LPA: variants seen among roughly 807,000 people sequenced by gnomAD.
LPA encodes the protein apolipoprotein(a).
Under a neutral mutation model 197.9 loss-of-function variants are expected in LPA, and 199 were observed. That is an observed-to-expected ratio of 1.01 (90% CI 0.90 to 1.13). The LOEUF (loss-of-function observed/expected upper bound fraction) is 1.13. Ranked by LOEUF, LPA falls within the 50% of genes most tolerant of loss-of-function variation. The probability of loss-of-function intolerance (pLI) is 0.00; values close to 1 mark genes in which losing one functional copy is unlikely to be tolerated. For missense variants in LPA, 1,853 were observed against 1,785.8 expected (o/e 1.04, Z -0.68); for synonymous variants, 715 against 639.5 (o/e 1.12, Z -1.78).
Position 160,578,677 on chromosome 6 carries a change from A to G in LPA, c.4317T>C (p.Asn1439=), listed in dbSNP as rs1052854196. The G allele has an allele frequency of 8.7e-6, 14 of 1,613,808 alleles. No homozygotes were observed. The highest frequency in any genetic ancestry group is 1.2e-5 in the Non-Finnish European group (14 of 1,179,916). The change falls in exon 27 of 39, where the codon AAT becomes AAC. Residue 1439 remains asparagine, a synonymous_variant. Transcript: ENST00000316300. ...ACCAAGGGCGAATCTCAGCATCTGGATTCCTGCAGTAGTTCCTGGTCAGGC... is the reference window on the plus strand; with the variant it reads ...ACCAAGGGCGAATCTCAGCATCTGGGTTCCTGCAGTAGTTCCTGGTCAGGC... ...NAGLTRNYCR[N]PDAEIRPWCY...
intron 18 of LPA, among the ~76,000 whole-genome samples, chr6:160,601,655 T>C (rs1248587250): frequency 6.6e-6 from 1 of 152,238 alleles, no homozygotes; most frequent in Admixed American, 6.5e-5. Context: ...ATGTTCAGCA[T>C]GTAAAACCAT....
chr6:160,566,803 C>A (rs542021856), intron 28 of LPA, among the ~76,000 whole-genome samples: 7 of 152,218 alleles, frequency 4.6e-5, no homozygotes, highest in African/African-American at 1.7e-4. Context: ...GAAGATCTAC[C>A]AAGCAAATGG....
chr6:160,555,625 T>C (rs1316120462), intron 30 of LPA, among the ~76,000 whole-genome samples: 2 of 151,562 alleles, frequency 1.3e-5, no homozygotes, highest in African/African-American at 2.4e-5. Flanking sequence ...ATGTGAATTA[T>C]TTACTTGTGA....
chr6:160,577,428 A>T (rs1161974512), intron 27 of LPA, 133 bp from the exon 28 acceptor site: 10 of 747,492 alleles, frequency 1.3e-5, no homozygotes, highest in Admixed American at 2.3e-5. Flanking sequence ...TAGCAAAAGG[A>T]TGTGAAAAGA....
chr6:160,587,437 G>T (rs1778931874), intron 24 of LPA, among the ~76,000 whole-genome samples: 1 of 152,108 alleles, frequency 6.6e-6, no homozygotes, highest in East Asian at 1.9e-4. Flanking sequence ...TAGATCAACA[G>T]CTGTCAAAGC....
At position 160,555,450 on chromosome 6, in the gene LPA, T is replaced by TATAC. The variant is rs1490648539; in HGVS notation, c.4973+574_4973+575insGTAT. Among the ~76,000 whole-genome samples, 2 of 142,910 alleles carry TATAC rather than the reference T, an allele frequency of 1.4e-5. 1 individual carries two copies. Among genetic ancestry groups the TATAC allele is most frequent in the Non-Finnish European group, 3.0e-5 (2 of 66,394 alleles). 93.8% of individuals were successfully genotyped at this position (142,910 alleles called of 152,430 possible). A position where few individuals can be genotyped will look rare whatever the true frequency, so the allele number is the denominator to read the frequency against. ...TTTCCCTAGAACATATATATATATA[T>TATAC]ATATATGTGTGTGTATATATATATG... On this transcript the variant is annotated intron_variant, in intron 30 of 38. Coordinates refer to ENST00000316300, the MANE Select transcript of LPA (RefSeq NM_005577.4).
chr6:160,648,513 A>G (rs1198399844), intron 2 of LPA, among the ~76,000 whole-genome samples: 2 of 151,372 alleles, frequency 1.3e-5, no homozygotes, highest in Non-Finnish European at 2.9e-5. Context: ...GTTTTCCTTT[A>G]TGTCTGTGTG....
chr6:160,650,393 A>C lies in LPA; in HGVS notation c.154T>G (p.Trp52Gly). The stretch of plus-strand genomic sequence containing the variant: ...TGTTGATGTGGTGTCATAGATGACC[A>C]AGCTTGGCAGGTCCTTCCTGTGACA... ...TTVTGRTCQA[W>G]SSMTPHQHNR... The change falls in exon 2 of 39, where the codon TGG becomes GGG. Residue 52 changes from tryptophan (W) to glycine (G), a missense_variant. By Grantham distance (184) the Trp-to-Gly change is radical. Transcript: ENST00000316300. The C allele has an allele frequency of 3.7e-6, 6 of 1,613,966 alleles. No individual in the cohort carries two copies. The highest frequency in any genetic ancestry group is 5.1e-6 in the Non-Finnish European group (6 of 1,179,836).
At chr6:160,584,219 TTCTTCTTCTTCTTCTTCTTCC>T (rs760317769) in intron 26 of LPA, among the ~76,000 whole-genome samples, 2,447 of 116,294 alleles carry the variant, frequency 0.021, 57 homozygotes, top group East Asian at 0.12. Context: ...CTTCTTCTTC[TTCTTCTTCTTCTTCTTCTTCC>T]TCCTCCTCCT....
chr6:160,585,748 T>C (rs1303541437), intron 25 of LPA, among the ~76,000 whole-genome samples: 1 of 151,948 alleles, frequency 6.6e-6, no homozygotes, highest in Non-Finnish European at 1.5e-5. Flanking sequence ...AGGCCAAAAT[T>C]TTATAGCCTA....
In LPA at chr6:160,586,496, G is replaced by A; in HGVS notation, c.4082C>T (p.Thr1361Ile). 1 of 1,613,836 alleles carries A rather than the reference G, an allele frequency of 6.2e-7. No homozygotes were observed. Among genetic ancestry groups the A allele is most frequent in the Non-Finnish European group, 8.5e-7 (1 of 1,179,772 alleles). The part of the protein sequence containing the change: ...CPVMESTLLT[T>I]PTVVPVPSTE... ...GCTTGGAACTGGGACCACCGTGGGA[G>A]TTGTGAGGAGAGTTGATTCCATCAC... The change falls in exon 25 of 39, where the codon ACT (threonine) becomes ATT (isoleucine). Residue 1361 changes from threonine (T) to isoleucine (I), a missense_variant. This residue lies in a region of LPA where 1,737 missense variants were observed against 1,504.4 expected (regional missense o/e 1.15). Transcript: ENST00000316300.
At chr6:160,535,467 G>C (rs912188225) in intron 37 of LPA, among the ~76,000 whole-genome samples, 1 of 150,374 alleles carries the variant, frequency 6.7e-6, no homozygotes, top group African/African-American at 2.4e-5. Context: ...TGATGATGGT[G>C]GTGGTGATGG....
At chr6:160,533,984 AT>A (rs1469417795) in intron 37 of LPA, among the ~76,000 whole-genome samples, 1 of 152,196 alleles carries the variant, frequency 6.6e-6, no homozygotes, top group Non-Finnish European at 1.5e-5. Flanking sequence ...CCCAGCTCTC[AT>A]TAGAATTTTG....
intron 1 of LPA, among the ~76,000 whole-genome samples, chr6:160,658,087 C>T (rs934685791): frequency 2.4e-4 from 37 of 152,108 alleles, no homozygotes; most frequent in African/African-American, 8.7e-4. Flanking sequence ...GGGTTTACAT[C>T]CTCAGACAAA....
chr6:160,592,440 T>C (rs1443915062), intron 22 of LPA, among the ~76,000 whole-genome samples: 1 of 152,218 alleles, frequency 6.6e-6, no homozygotes, highest in Non-Finnish European at 1.5e-5. Context: ...TCTCTCATGG[T>C]CAGCTTTTGC....
rs1329869333 is a variant in LPA, at chr6:160,571,926, A to G, written c.4631+5210T>C. Among the ~76,000 whole-genome samples the G allele has an allele frequency of 2.0e-5, 3 of 152,246 alleles. No homozygotes were observed. In the East Asian group the frequency reaches 5.8e-4, roughly 30 times the overall value. On this transcript the variant is annotated intron_variant, in intron 28 of 38. Transcript: ENST00000316300. ...ATTCCAGGGACCACTGGGGTATGAA[A>G]AAAAACTCCTGCAGCTAGCTTAGTG...
At chr6:160,563,722 A>G (rs564035772) in intron 28 of LPA, among the ~76,000 whole-genome samples, 130 of 152,294 alleles carry the variant, frequency 8.5e-4, no homozygotes, top group Non-Finnish European at 1.7e-3. Context: ...GTCTCTAAGA[A>G]CTTGCTTTAT....
chr6:160,535,733 G>C (rs532232911), intron 37 of LPA, among the ~76,000 whole-genome samples: 1 of 152,026 alleles, frequency 6.6e-6, no homozygotes, highest in South Asian at 2.1e-4. Context: ...CGGTGATGAT[G>C]ATGATTATGT....
chr6:160,587,952 A>G (rs946899250), intron 24 of LPA, among the ~76,000 whole-genome samples: 1 of 151,990 alleles, frequency 6.6e-6, no homozygotes, highest in Admixed American at 6.5e-5. Flanking sequence ...CAGTTCTTTA[A>G]TTTTCATTTG....
Sources: gnomAD v4.1 joint callset for allele counts (sites outside exome capture counted in the v4.1 genomes callset) on GRCh38, gnomAD v4.1.1 for gene constraint, gnomAD v4.1.1 regional missense constraint, MANE v1.5 for transcripts, NCBI Gene and HGNC (gene_info 2026-07-23, HGNC 2026-07-21) for gene names.